ZCCHC8: variants seen among roughly 807,000 people sequenced by gnomAD.
The protein encoded by ZCCHC8 is zinc finger CCHC-type containing 8.
ZCCHC8 carries 27 observed loss-of-function variants against 70.6 expected under a neutral mutation model. The observed-to-expected ratio is 0.38, with a 90% CI of 0.28 to 0.53. The LOEUF is 0.53. Ranked by LOEUF, ZCCHC8 falls within the 20% of genes least tolerant of loss-of-function variation. ZCCHC8 has a pLI of 0.81. For missense variants in ZCCHC8, 737 were observed against 876.9 expected (o/e 0.84, Z 2.01); for synonymous variants, 293 against 317.4 (o/e 0.92, Z 0.82).
intron 5 of ZCCHC8, among the ~76,000 whole-genome samples, chr12:122,486,872 G>A (rs1355928142): frequency 6.6e-6 from 1 of 152,140 alleles, no homozygotes; most frequent in Non-Finnish European, 1.5e-5. Flanking sequence ...GCCAGGCCAC[G>A]GGCCTGGTTT....
rs568286934 is a variant in ZCCHC8 at position 122,488,035 on chromosome 12, A to AT, written c.501+1350dup. Among the ~76,000 whole-genome samples, 972 of 141,342 alleles carry AT rather than the reference A, an allele frequency of 6.9e-3. 3 individuals carry two copies. The highest frequency in any genetic ancestry group is 0.014 in the Middle Eastern group (4 of 278). The allele number at this position is 141,342 out of a possible 152,430, so 92.7% of individuals were successfully genotyped here. A position where few individuals can be genotyped will look rare whatever the true frequency, so the allele number is the denominator to read the frequency against. The stretch of plus-strand genomic sequence containing the variant: ...AGGTCCATGCCACCACACTTGGCTA[A>AT]TTTTTTTTTTTTTTGAGACAGAGTC... On this transcript the variant is annotated intron_variant, in intron 5 of 13. Coordinates refer to ENST00000633063, the MANE Select transcript of ZCCHC8 (RefSeq NM_017612.5).
rs1957367491 is a variant in ZCCHC8, at chr12:122,474,021, C to A, written c.1600G>T (p.Ala534Ser). Residue 534 changes from alanine to serine, a missense_variant, in exon 14 of 14, where the codon GCC becomes TCC. Transcript: ENST00000633063. ...QRRIWAALEQ[A>S]ESVNSDSDVP... ...TCGGAGTCGCTGTTTACGCTCTCGG[C>A]CTGCTCAAGAGCTGCCCAGATCCGC... is the stretch of plus-strand genomic sequence containing the variant. The A allele has an allele frequency of 3.9e-6, 6 of 1,552,510 alleles. No homozygotes were observed. The highest frequency in any genetic ancestry group is 1.4e-5 in the African/African-American group (1 of 72,800).
chr12:122,485,378 T>C (rs1359839096), intron 5 of ZCCHC8, among the ~76,000 whole-genome samples: 1 of 152,234 alleles, frequency 6.6e-6, no homozygotes, highest in African/African-American at 2.4e-5. Flanking sequence ...CCTCCCAAAG[T>C]GCTGGGATTA....
At chr12:122,499,810 C>G (rs1320110987) in intron 1 of ZCCHC8, 1 of 152,600 alleles carries the variant, frequency 6.6e-6, no homozygotes, top group African/African-American at 2.4e-5. Flanking sequence ...CCACTGCACT[C>G]CAGCCTGGGC....
rs758343951 is a variant in ZCCHC8, at chr12:122,481,605, C to T, written c.935G>A (p.Arg312Gln). The stretch of plus-strand genomic sequence containing the variant: ...TGGTGGGTACCCTAGCTGGCGCATC[C>T]GATAGATAAAAGGTGGAAGACTCTT... The part of the protein sequence containing the change: ...TDKSLPPFIY[R>Q]MRQLGYPPGW... The change falls in exon 10 of 14, where the codon CGG (arginine) becomes CAG (glutamine). Residue 312 changes from arginine (R) to glutamine (Q), a missense_variant. Physicochemically the swap from Arg to Gln is conservative, Grantham distance 43. Transcript: ENST00000633063. The T allele has an allele frequency of 1.1e-5, 18 of 1,613,710 alleles. No individual in the cohort carries two copies. The highest frequency in any genetic ancestry group is 1.4e-5 in the Non-Finnish European group (16 of 1,179,882).
At position 122,483,684 on chromosome 12, in the gene ZCCHC8, C is replaced by T. The variant is rs1957581141; in HGVS notation, c.502-121G>A. 1.2e-6 allele frequency: 1 copy of T among 851,176 alleles called. No individual in the cohort carries two copies. The highest frequency in any genetic ancestry group is 1.7e-5 in the African/African-American group (1 of 58,342). 52.7% of individuals were successfully genotyped at this position (851,176 alleles called of 1,614,324 possible). ...TGGATGGAATTATTAGAAATAATAA[C>T]TTCCTTGTTATTAAGGAGCCAGACT... On this transcript the variant is annotated intron_variant, in intron 5 of 13. Coordinates refer to ENST00000633063, the MANE Select transcript of ZCCHC8 (RefSeq NM_017612.5). The surrounding 1 kb of genome is among the most constrained non-coding windows in gnomAD (Gnocchi z 4.4).
intron 13 of ZCCHC8, among the ~76,000 whole-genome samples, chr12:122,474,530 G>C (rs1373652670): frequency 6.6e-6 from 1 of 152,126 alleles, no homozygotes; most frequent in East Asian, 1.9e-4. Flanking sequence ...TTTCTGTGCT[G>C]TGTGCATCAT....
At chr12:122,495,124 T>C (rs1957806994) in intron 2 of ZCCHC8, among the ~76,000 whole-genome samples, 1 of 152,184 alleles carries the variant, frequency 6.6e-6, no homozygotes, top group Admixed American at 6.5e-5. Flanking sequence ...AAATATTAAA[T>C]GTTAAATTAA....
In ZCCHC8 at chr12:122,473,529, T is replaced by C. The variant is rs1436807245; in HGVS notation, c.2092A>G (p.Asn698Asp). Residue 698 changes from asparagine (N) to aspartate (D), a missense_variant, in exon 14 of 14, where the codon AAC becomes GAC. By Grantham distance (23) the Asn-to-Asp change is conservative. Coordinates refer to ENST00000633063, the MANE Select transcript of ZCCHC8 (RefSeq NM_017612.5). ...GAGGCCTTTTTGTTTTTCTGCTGGT[T>C]TCGGGGTGAGTTCTTTAACAAGCTT... ...IRSLLKNSPR[N>D]QQKNKKASE The C allele has an allele frequency of 3.1e-6, 5 of 1,613,796 alleles. No individual in the cohort carries two copies. The highest frequency in any genetic ancestry group is 3.4e-6 in the Non-Finnish European group (4 of 1,179,804).
intron 5 of ZCCHC8, among the ~76,000 whole-genome samples, chr12:122,488,558 C>T (rs990020728): frequency 6.7e-6 from 1 of 149,924 alleles, no homozygotes; most frequent in African/African-American, 2.5e-5. Flanking sequence ...ATAGAATCCA[C>T]TATTACATTA....
chr12:122,498,748 A>T, intron 2 of ZCCHC8, 79 bp downstream of exon 2: 1 of 1,392,818 alleles, frequency 7.2e-7, no homozygotes, highest in Non-Finnish European at 1.0e-6. Context: ...TACACTTTTT[A>T]CAACGAAATT....
chr12:122,482,542 G>A, intron 8 of ZCCHC8, 93 bp downstream of exon 8: 1 of 886,618 alleles, frequency 1.1e-6, no homozygotes, highest in South Asian at 2.5e-5. Context: ...AAGGAACAAA[G>A]AAAGTTCCTT....
chr12:122,489,563 A>G, intron 4 of ZCCHC8, 100 bp from the exon 5 acceptor site: 5 of 1,070,314 alleles, frequency 4.7e-6, no homozygotes, highest in Non-Finnish European at 7.0e-6. Flanking sequence ...ATGTTTATGA[A>G]CGACATTTCA....
chr12:122,497,325 C>T (rs562979184), intron 2 of ZCCHC8, among the ~76,000 whole-genome samples: 48 of 151,598 alleles, frequency 3.2e-4, no homozygotes, highest in African/African-American at 9.4e-4. Context: ...ACAGATCACT[C>T]GAGGCCAGGA....
At chr12:122,476,823 G>A (rs571994859) in intron 13 of ZCCHC8, among the ~76,000 whole-genome samples, 1 of 152,110 alleles carries the variant, frequency 6.6e-6, no homozygotes, top group East Asian at 2.0e-4. Context: ...AGGAGCTCAA[G>A]ACCAGCCTGG....
intron 3 of ZCCHC8, 75 bp from the exon 4 acceptor site, chr12:122,490,642 G>A: frequency 1.2e-6 from 1 of 830,112 alleles, no homozygotes; most frequent in South Asian, 2.1e-5. Flanking sequence ...ATGCATTACT[G>A]TAAGATTTCA....
rs1957902346 is a variant in ZCCHC8, at chr12:122,500,338, T to C, written c.199+304A>G. On this transcript the variant is annotated intron_variant, in intron 1 of 13. Transcript: ENST00000633063. This position sits in a 1 kb window ranked among gnomAD's most constrained non-coding sequence, Gnocchi z 4.8. Reference sequence around the variant, plus strand: ...AAACAGAGGGGGGCAATTAAGGGCTTGTGTACAATCTGTCAGGTGAGCAGC... The same window carrying C: ...AAACAGAGGGGGGCAATTAAGGGCTCGTGTACAATCTGTCAGGTGAGCAGC... The C allele has an allele frequency of 2.7e-6, 1 of 375,980 alleles. No homozygotes were observed. Among genetic ancestry groups the C allele is most frequent in the Non-Finnish European group, 4.8e-6 (1 of 206,332 alleles). The allele number at this position is 375,980 out of a possible 1,614,324, so 23.3% of individuals were successfully genotyped here. A position where few individuals can be genotyped will look rare whatever the true frequency, so the allele number is the denominator to read the frequency against.
rs1432353156 is a variant in ZCCHC8, at chr12:122,492,722, T to C, written c.310A>G (p.Ile104Val). The C allele has an allele frequency of 3.9e-6, 6 of 1,534,978 alleles. No individual in the cohort carries two copies. Among genetic ancestry groups the C allele is most frequent in the Non-Finnish European group, 5.3e-6 (6 of 1,133,398 alleles). The change falls in exon 3 of 14, where the codon ATT (isoleucine) becomes GTT (valine). Residue 104 changes from isoleucine (I) to valine (V), a missense_variant. Physicochemically the swap from Ile to Val is conservative, Grantham distance 29. Transcript: ENST00000633063. ...ILQILFMNNA[I>V]SKQYHQEIEE... Reference sequence around the variant, plus strand: ...AGGGAAAAAATTACTTACTTTGAAATAGCATTGTTCATGAATAGAATCTGT... The same window carrying C: ...AGGGAAAAAATTACTTACTTTGAAACAGCATTGTTCATGAATAGAATCTGT...
intron 5 of ZCCHC8, among the ~76,000 whole-genome samples, chr12:122,486,515 A>C (rs528997287): frequency 2.1e-4 from 32 of 151,460 alleles, no homozygotes; most frequent in Middle Eastern, 3.5e-3. Flanking sequence ...TAAAGTCCTC[A>C]TTACAGTCTG....
Sources: allele counts gnomAD v4.1 joint callset (sites outside exome capture counted in the v4.1 genomes callset), GRCh38; gene constraint gnomAD v4.1.1; non-coding constraint Gnocchi (gnomAD v3.1); transcripts MANE v1.5; gene names NCBI Gene and HGNC (gene_info 2026-07-23, HGNC 2026-07-21).